USP39: variants seen among roughly 807,000 people sequenced by gnomAD.
USP39 encodes ubiquitin specific peptidase 39, also known as ubiquitin carboxyl-terminal hydrolase 39.
Under a neutral mutation model 66.4 loss-of-function variants are expected in USP39, and 38 were observed. The observed-to-expected ratio is 0.57, with a 90% CI of 0.44 to 0.75. USP39 has a LOEUF of 0.75. Among genes scored for constraint, USP39 ranks in the 30% least tolerant of loss-of-function variants. The probability of loss-of-function intolerance (pLI) is 0.00; values close to 1 mark genes in which losing one functional copy is unlikely to be tolerated. For missense variants in USP39, 608 were observed against 714.4 expected, an observed-to-expected ratio of 0.85 and a Z score of 1.70; for synonymous variants, 303 against 274.6, an observed-to-expected ratio of 1.10 and a Z score of -1.02.
chr2:85,620,859 T>C (rs1007149302), intron 2 of USP39, among the ~76,000 whole-genome samples: 2 of 151,150 alleles, frequency 1.3e-5, no homozygotes, highest in Non-Finnish European at 2.9e-5. Flanking sequence ...GTGGATTCAG[T>C]GGAGATAAGG....
At chr2:85,621,875 G>GAGTCCCGCTA (rs58612657) in intron 3 of USP39, among the ~76,000 whole-genome samples, 109,479 of 151,616 alleles carry the variant, frequency 0.72, 40,875 homozygotes, top group African/African-American at 0.91. Flanking sequence ...TTTTGAGACA[G>GAGTCCCGCTA]TGTTGCCCAG....
At chr2:85,611,304 G>T (rs901077436), upstream of USP39, 287 of 1,420,106 alleles carry the variant, frequency 2.0e-4, 2 homozygotes, top group South Asian at 2.8e-3. Flanking sequence ...AGAAGCTGGG[G>T]AAAGGCCATT....
Position 85,648,975 on chromosome 2 carries a change from C to A in USP39, c.*167C>A. Reference sequence around the variant, plus strand: ...CAAGAGCCCACTTGCCTGGGATGGCCCCACACTGTCACTCAGCTGTTCTTT... The same window carrying A: ...CAAGAGCCCACTTGCCTGGGATGGCACCACACTGTCACTCAGCTGTTCTTT... On this transcript the variant is annotated 3_prime_UTR_variant, in exon 13 of 13. Coordinates refer to ENST00000323701, the MANE Select transcript of USP39 (RefSeq NM_006590.4). 1.4e-6 allele frequency: 1 copy of A among 724,952 alleles called. No individual in the cohort carries two copies. Among genetic ancestry groups the A allele is most frequent in the South Asian group, 1.7e-5 (1 of 57,892 alleles). The allele number at this position is 724,952 out of a possible 1,614,324, so 44.9% of individuals were successfully genotyped here. A position where few individuals can be genotyped will look rare whatever the true frequency, so the allele number is the denominator to read the frequency against.
At chr2:85,621,971 C>A (rs1201438139) in intron 3 of USP39, among the ~76,000 whole-genome samples, 3 of 152,118 alleles carry the variant, frequency 2.0e-5, no homozygotes, top group African/African-American at 7.2e-5. Context: ...AGGCGCCTGC[C>A]ACCATGCCTG....
At chr2:85,609,112 A>G (rs986285621), upstream of USP39, 7 of 1,606,218 alleles carry the variant, frequency 4.4e-6, no homozygotes, top group Non-Finnish European at 5.1e-6. Flanking sequence ...GGCCTCTTCC[A>G]GAAAGGTGAC....
chr2:85,644,056 A>G (rs1430116248), intron 10 of USP39, among the ~76,000 whole-genome samples: 3 of 152,240 alleles, frequency 2.0e-5, no homozygotes, highest in African/African-American at 7.2e-5. Flanking sequence ...ATAGAAAGCT[A>G]CATATAATAA....
rs969928263 is a variant in USP39 at position 85,617,463 on chromosome 2, A to G, written c.268+1000A>G. ...CTTTTCTCCTGGACTCTCGTTAAGG[A>G]TGTTCGTGTAGTGAGCAGCCTTGGA... On this transcript the variant is annotated intron_variant, in intron 1 of 12. Coordinates refer to ENST00000323701, the MANE Select transcript of USP39 (RefSeq NM_006590.4). 9.2e-5 allele frequency among the ~76,000 whole-genome samples: 14 copies of G among 152,114 alleles called. 2 individuals carry two copies. Among genetic ancestry groups the G allele is most frequent in the Admixed American group, 9.2e-4 (14 of 15,268 alleles).
chr2:85,641,343 C>T (rs923251814), intron 10 of USP39, among the ~76,000 whole-genome samples: 6 of 152,164 alleles, frequency 3.9e-5, no homozygotes, highest in African/African-American at 1.4e-4. Context: ...TCTCCTGTTG[C>T]TAGCTGGAAA....
chr2:85,611,604 G>C (rs1483157482), upstream of USP39: 1 of 1,555,410 alleles, frequency 6.4e-7, no homozygotes, highest in Non-Finnish European at 8.7e-7. Context: ...TTTCCCTATA[G>C]AGAAGGGGAG....
rs1200154505 is a variant in USP39, at chr2:85,625,640, T to C, written c.672T>C (p.Ile224=). ...AYDGTTYLPG[I]VGLNNIKAND... is the part of the protein sequence containing the mutation. ...ATGGTACCACTTACCTGCCGGGTAT[T>C]GTGGGACTGAATAACATAAAGGCCA... The change falls in exon 5 of 13, where the codon ATT becomes ATC. Residue 224 remains isoleucine, a synonymous_variant. Coordinates refer to ENST00000323701, the MANE Select transcript of USP39 (RefSeq NM_006590.4). 2 of 1,613,880 alleles carry C rather than the reference T, an allele frequency of 1.2e-6. No homozygotes were observed. Among genetic ancestry groups the C allele is most frequent in the African/African-American group, 1.3e-5 (1 of 74,916 alleles).
intron 10 of USP39, among the ~76,000 whole-genome samples, chr2:85,643,832 T>C (rs892062310): frequency 2.0e-5 from 3 of 151,912 alleles, no homozygotes; most frequent in East Asian, 3.9e-4. Context: ...TTTTGTACTT[T>C]AGTAAAGGCA....
chr2:85,623,510 A>C, intron 3 of USP39, 136 bp from the exon 4 acceptor site: 1 of 1,281,882 alleles, frequency 7.8e-7, no homozygotes, highest in Non-Finnish European at 1.0e-6. Flanking sequence ...TGGAGGATTC[A>C]TTTTATGAAT....
chr2:85,613,678 G>A (rs1298287993), upstream of USP39, among the ~76,000 whole-genome samples: 2 of 151,080 alleles, frequency 1.3e-5, no homozygotes, highest in Admixed American at 6.7e-5. Flanking sequence ...TCTAGGAAGT[G>A]CAAACTAATC....
At chr2:85,611,427 G>A, upstream of USP39, 1 of 1,519,124 alleles carries the variant, frequency 6.6e-7, no homozygotes, top group Non-Finnish European at 8.8e-7. Context: ...CAAACCGGCA[G>A]ATAAACTTCT....
At chr2:85,612,052 TCCGCGCCG>T, upstream of USP39, 2 of 1,207,798 alleles carry the variant, frequency 1.7e-6, no homozygotes, top group Non-Finnish European at 2.2e-6. Flanking sequence ...CCCACAGAGC[TCCGCGCCG>T]CCCCTTGCTC....
At chr2:85,612,371 C>T, upstream of USP39, 1 of 1,535,762 alleles carries the variant, frequency 6.5e-7, no homozygotes, top group South Asian at 1.2e-5. Flanking sequence ...TAATAGGATG[C>T]TGTGCAATCC....
intron 4 of USP39, 130 bp from the exon 5 acceptor site, chr2:85,625,409 T>G: frequency 3.4e-6 from 4 of 1,176,622 alleles, no homozygotes; most frequent in Non-Finnish European, 4.8e-6. Context: ...ACCTACTGGT[T>G]CGGACTATTT....
rs763665753 is a variant in USP39 at position 85,640,984 on chromosome 2, GACTT to G, written c.1296_1299del (p.Tyr433ArgfsTer5). The stretch of plus-strand genomic sequence containing the variant: ...TTCTTTTCTTTCTCTAGGAATATAA[GACTT>G]ACAAGGAGAACTTTCTGAAGCGCTT... On this transcript the variant is annotated frameshift_variant, in exon 10 of 13. Coordinates refer to ENST00000323701, the MANE Select transcript of USP39 (RefSeq NM_006590.4). LOFTEE classifies it high-confidence loss of function. The G allele has an allele frequency of 3.1e-6, 5 of 1,609,326 alleles. No individual in the cohort carries two copies. Among genetic ancestry groups the G allele is most frequent in the Non-Finnish European group, 4.2e-6 (5 of 1,178,970 alleles).
intron 10 of USP39, among the ~76,000 whole-genome samples, chr2:85,643,684 G>T (rs1317235066): frequency 6.9e-6 from 1 of 144,354 alleles, no homozygotes; most frequent in East Asian, 2.1e-4. Flanking sequence ...GTCTCGCTCT[G>T]TTGCCCAGGC....
Sources: gnomAD v4.1 joint callset for allele counts (sites outside exome capture counted in the v4.1 genomes callset) on GRCh38, gnomAD v4.1.1 for gene constraint, MANE v1.5 for transcripts, NCBI Gene and HGNC (gene_info 2026-07-23, HGNC 2026-07-21) for gene names.